LDLRAD4: variants seen among roughly 807,000 people sequenced by gnomAD.
The protein encoded by LDLRAD4 is low-density lipoprotein receptor class A domain-containing protein 4.
LDLRAD4 carries 5 observed loss-of-function variants against 17.0 expected under a neutral mutation model. That is an observed-to-expected ratio of 0.29 (90% confidence interval 0.15 to 0.62). LDLRAD4 has a LOEUF of 0.62. Among genes scored for constraint, LDLRAD4 ranks in the 20% least tolerant of loss-of-function variants. LDLRAD4 has a pLI of 0.84. For missense variants in LDLRAD4, 340 were observed against 424.7 expected, an observed-to-expected ratio of 0.80 and a Z score of 1.75; for synonymous variants, 168 against 171.8, an observed-to-expected ratio of 0.98 and a Z score of 0.17.
chr18:13,496,745 G>A (rs2093478331), intron 3 of LDLRAD4, among the ~76,000 whole-genome samples: 4 of 137,160 alleles, frequency 2.9e-5, no homozygotes, highest in South Asian at 4.5e-4. Context: ...GGGAAAGGGT[G>A]TGATTTCAAG....
At chr18:13,555,672 T>A (rs1449634299) in intron 3 of LDLRAD4, among the ~76,000 whole-genome samples, 1 of 152,178 alleles carries the variant, frequency 6.6e-6, no homozygotes. Context: ...GGTTTTTGAG[T>A]TGAAAAATTA....
At chr18:13,377,682 A>T (rs2085026527) in intron 1 of LDLRAD4, among the ~76,000 whole-genome samples, 1 of 152,184 alleles carries the variant, frequency 6.6e-6, no homozygotes, top group Admixed American at 6.5e-5. Context: ...GTCATAATGG[A>T]CATACTCAGG....
At chr18:13,324,630 G>A (rs933389050) in intron 1 of LDLRAD4, among the ~76,000 whole-genome samples, 32 of 152,264 alleles carry the variant, frequency 2.1e-4, no homozygotes, top group African/African-American at 7.7e-4. Context: ...CAGGGGAGGG[G>A]CTGGCGTGGG....
At chr18:13,619,593 A>G (rs2148798021) in intron 3 of LDLRAD4, among the ~76,000 whole-genome samples, 1 of 151,742 alleles carries the variant, frequency 6.6e-6, no homozygotes, top group Non-Finnish European at 1.5e-5. Context: ...AGACACTCAA[A>G]CCCCAAGGCT....
At chr18:13,328,412 A>G (rs1312416829) in intron 1 of LDLRAD4, among the ~76,000 whole-genome samples, 1 of 152,226 alleles carries the variant, frequency 6.6e-6, no homozygotes, top group Non-Finnish European at 1.5e-5. Flanking sequence ...CCCATTCAGC[A>G]TAAATCCCTG....
At chr18:13,419,035 T>C (rs76034951) in intron 2 of LDLRAD4, among the ~76,000 whole-genome samples, 2,584 of 152,338 alleles carry the variant, frequency 0.017, 63 homozygotes, top group East Asian at 0.055. Context: ...AGTGCTTCAA[T>C]TGGAATGTAT....
intron 3 of LDLRAD4, among the ~76,000 whole-genome samples, chr18:13,470,400 G>A (rs1179529307): frequency 1.3e-5 from 2 of 151,754 alleles, no homozygotes; most frequent in Non-Finnish European, 2.9e-5. Context: ...CATACTGTCA[G>A]GTTGAGATGT....
At chr18:13,298,347 C>T (rs373683241) in intron 1 of LDLRAD4, among the ~76,000 whole-genome samples, 6 of 149,838 alleles carry the variant, frequency 4.0e-5, no homozygotes, top group South Asian at 2.1e-4. Flanking sequence ...TGGACCTGCT[C>T]TAGGCACAGT....
At chr18:13,381,297 G>A (rs2085343677) in intron 1 of LDLRAD4, among the ~76,000 whole-genome samples, 1 of 152,054 alleles carries the variant, frequency 6.6e-6, no homozygotes, top group Non-Finnish European at 1.5e-5. Flanking sequence ...CAAACACCTG[G>A]GCTCAAGCAA....
intron 1 of LDLRAD4, among the ~76,000 whole-genome samples, chr18:13,327,909 A>G (rs1599442259): frequency 6.6e-6 from 1 of 152,104 alleles, no homozygotes; most frequent in Non-Finnish European, 1.5e-5. Context: ...TTAAATCCTA[A>G]GCTCCCAGCC....
intron 1 of LDLRAD4, among the ~76,000 whole-genome samples, chr18:13,354,909 A>G (rs1456955951): frequency 6.6e-6 from 1 of 152,158 alleles, no homozygotes; most frequent in African/African-American, 2.4e-5. Flanking sequence ...AGTGTCACCA[A>G]CACTCATCTT....
intron 1 of LDLRAD4, among the ~76,000 whole-genome samples, chr18:13,306,020 TA>T (rs972061236): frequency 2.2e-4 from 33 of 151,978 alleles, no homozygotes; most frequent in Admixed American, 1.6e-3. Flanking sequence ...AGATTTGGCT[TA>T]AAAAAAAGTC....
chr18:13,325,848 G>A (rs1004901698), intron 1 of LDLRAD4, among the ~76,000 whole-genome samples: 53 of 152,222 alleles, frequency 3.5e-4, no homozygotes, highest in Admixed American at 2.4e-3. Context: ...CCCCTCCCGG[G>A]TTCACGCCAT....
intron 4 of LDLRAD4, among the ~76,000 whole-genome samples, chr18:13,628,222 G>C (rs987845745): frequency 6.6e-6 from 1 of 152,200 alleles, no homozygotes; most frequent in Non-Finnish European, 1.5e-5. Context: ...TTTCAGTAAG[G>C]CTTGAAGGAG....
At chr18:13,544,564 G>A (rs1403289387) in intron 3 of LDLRAD4, among the ~76,000 whole-genome samples, 1 of 152,226 alleles carries the variant, frequency 6.6e-6, no homozygotes, top group Non-Finnish European at 1.5e-5. Context: ...TGACTGCTGT[G>A]GATGGCAGCC....
At chr18:13,274,173 C>T (rs1024523881), upstream of LDLRAD4, among the ~76,000 whole-genome samples, 1 of 152,174 alleles carries the variant, frequency 6.6e-6, no homozygotes, top group Non-Finnish European at 1.5e-5. Flanking sequence ...TGTTTCTGCT[C>T]AGCCTTCTTT....
chr18:13,406,473 A>G (rs1355555404), intron 2 of LDLRAD4, among the ~76,000 whole-genome samples: 1 of 152,178 alleles, frequency 6.6e-6, no homozygotes, highest in African/African-American at 2.4e-5. Context: ...CAGAACACCA[A>G]CACGAGGATA....
At chr18:13,430,291 G>C (rs1355554075) in intron 2 of LDLRAD4, among the ~76,000 whole-genome samples, 1 of 152,204 alleles carries the variant, frequency 6.6e-6, no homozygotes. Flanking sequence ...GGGCGACGTG[G>C]AGCTCCTGTT....
intron 3 of LDLRAD4, among the ~76,000 whole-genome samples, chr18:13,479,018 A>G (rs1261127228): frequency 6.6e-6 from 1 of 152,218 alleles, no homozygotes; most frequent in Non-Finnish European, 1.5e-5. Context: ...AATACGGTGG[A>G]GGCAAGATTA....
Sources: gnomAD v4.1 joint callset for allele counts (sites outside exome capture counted in the v4.1 genomes callset) on GRCh38, gnomAD v4.1.1 for gene constraint, MANE v1.5 for transcripts, NCBI Gene and HGNC (gene_info 2026-07-23, HGNC 2026-07-21) for gene names.